The following PCDHGA4 variants were observed in gnomAD, a reference collection of about 807,000 sequenced individuals.
PCDHGA4 encodes the protein protocadherin gamma-A4.
Under a neutral mutation model 54.6 loss-of-function variants are expected in PCDHGA4, and 38 were observed. The ratio of observed to expected loss-of-function variants is 0.70; its 90% CI spans 0.54 to 0.91. The LOEUF (loss-of-function observed/expected upper bound fraction) is 0.91, where lower values mean the gene tolerates loss of function less well. Ranked by LOEUF, PCDHGA4 falls within the 40% of genes least tolerant of loss-of-function variation. The pLI is 0.00. For synonymous variants in PCDHGA4, 511 were observed against 512.9 expected, an observed-to-expected ratio of 1.00 and a Z score of 0.05; for missense variants, 1,298 against 1,220.9, an observed-to-expected ratio of 1.06 and a Z score of -0.94.
At chr5:141,458,028 G>A (rs1363025110) in intron 1 of PCDHGA4, among the ~76,000 whole-genome samples, 2 of 152,122 alleles carry the variant, frequency 1.3e-5, no homozygotes, top group African/African-American at 4.8e-5. Flanking sequence ...ATTGTGTTCT[G>A]TTGACAAAGA....
At chr5:141,387,274 AT>A (rs2090884370) in intron 1 of PCDHGA4, among the ~76,000 whole-genome samples, 1 of 152,244 alleles carries the variant, frequency 6.6e-6, no homozygotes, top group South Asian at 2.1e-4. Context: ...GTTAGGAACA[AT>A]GAAAGAAAGA....
At chr5:141,415,302 G>A in intron 1 of PCDHGA4, 3 of 1,614,212 alleles carry the variant, frequency 1.9e-6, no homozygotes, top group South Asian at 2.2e-5. Context: ...GCGTCTTCCT[G>A]GCCTTCGTCA....
At chr5:141,448,114 A>G (rs1483138819) in intron 1 of PCDHGA4, among the ~76,000 whole-genome samples, 1 of 151,948 alleles carries the variant, frequency 6.6e-6, no homozygotes, top group Non-Finnish European at 1.5e-5. Flanking sequence ...AGAAAAGAAA[A>G]TTAGCCTCCC....
At chr5:141,499,620 G>A (rs557854340) in intron 2 of PCDHGA4, among the ~76,000 whole-genome samples, 1 of 150,986 alleles carries the variant, frequency 6.6e-6, no homozygotes, top group Non-Finnish European at 1.5e-5. Context: ...TCCTGTCCTT[G>A]GATTCTTTTG....
At chr5:141,422,002 G>A (rs754599902) in intron 1 of PCDHGA4, 41 of 1,609,306 alleles carry the variant, frequency 2.5e-5, no homozygotes, top group Non-Finnish European at 3.1e-5. Flanking sequence ...CATCAGCTCC[G>A]GAACTCGGGT....
At chr5:141,371,849 C>A (rs1323132095) in intron 1 of PCDHGA4, 1 of 1,613,660 alleles carries the variant, frequency 6.2e-7, no homozygotes, top group East Asian at 2.2e-5. Flanking sequence ...GACCTAATGG[C>A]CTTGTCTCCT....
chr5:141,419,010 G>A (rs2096312778), intron 1 of PCDHGA4: 2 of 1,613,866 alleles, frequency 1.2e-6, no homozygotes, highest in Non-Finnish European at 8.5e-7. Flanking sequence ...GAAGTCAGGT[G>A]TAGCTTAAGT....
intron 1 of PCDHGA4, chr5:141,430,826 C>A: frequency 6.4e-7 from 1 of 1,550,416 alleles, no homozygotes; most frequent in Non-Finnish European, 8.7e-7. Flanking sequence ...CCTGGGGACT[C>A]TGTGGGAGAC....
At chr5:141,459,149 T>C (rs2098961903) in intron 1 of PCDHGA4, among the ~76,000 whole-genome samples, 1 of 152,234 alleles carries the variant, frequency 6.6e-6, no homozygotes, top group Non-Finnish European at 1.5e-5. Context: ...AATCAAAATA[T>C]AGAACATTTC....
chr5:141,376,416 C>T (rs1450125576), intron 1 of PCDHGA4: 1 of 1,614,216 alleles, frequency 6.2e-7, no homozygotes, highest in Non-Finnish European at 8.5e-7. Context: ...TATGCCGACA[C>T]GCTTATCAAC....
intron 1 of PCDHGA4, among the ~76,000 whole-genome samples, chr5:141,438,598 AT>A (rs1433028092): frequency 6.7e-5 from 2 of 29,776 alleles, no homozygotes; most frequent in Non-Finnish European, 1.4e-4. Context: ...ATACATATAT[AT>A]ATATATATAT....
chr5:141,477,220 G>A lies in PCDHGA4; in HGVS notation c.2515-17587G>A. 24 of 1,614,190 alleles carry A rather than the reference G, an allele frequency of 1.5e-5. No individual in the cohort carries two copies. The highest frequency in any genetic ancestry group is 1.9e-5 in the Non-Finnish European group (23 of 1,180,040). ...CAGTACCCGAGGATGCCCCTCTGGG[G>A]ACTGTCATCGCTTTGCTCAGTGTGA... is the stretch of plus-strand genomic sequence containing the variant. On this transcript the variant is annotated intron_variant, in intron 1 of 3. Coordinates refer to ENST00000571252, the MANE Select transcript of PCDHGA4 (RefSeq NM_018917.4). The surrounding 1 kb of genome is among the most constrained non-coding windows in gnomAD (Gnocchi z 4.9).
intron 1 of PCDHGA4, chr5:141,404,276 G>A (rs754510135): frequency 6.2e-7 from 1 of 1,613,992 alleles, no homozygotes; most frequent in Non-Finnish European, 8.5e-7. Context: ...CACCCTGCAA[G>A]TGACTGACAT....
intron 2 of PCDHGA4, among the ~76,000 whole-genome samples, chr5:141,496,856 G>A (rs1324235700): frequency 6.7e-6 from 1 of 150,206 alleles, no homozygotes; most frequent in African/African-American, 2.5e-5. Context: ...CAGACCAGCA[G>A]AGGAGACTGA....
intron 2 of PCDHGA4, among the ~76,000 whole-genome samples, chr5:141,504,563 C>G (rs1036149640): frequency 3.3e-5 from 5 of 149,436 alleles, no homozygotes; most frequent in African/African-American, 1.2e-4. Context: ...GACTGGCATT[C>G]TAGGGAACAC....
intron 2 of PCDHGA4, among the ~76,000 whole-genome samples, chr5:141,503,940 C>G (rs890249753): frequency 6.6e-6 from 1 of 152,218 alleles, no homozygotes; most frequent in Non-Finnish European, 1.5e-5. Flanking sequence ...TTCATGCCTT[C>G]AAGGCCTACC....
intron 1 of PCDHGA4, chr5:141,364,798 C>T (rs1290164632): frequency 2.5e-6 from 4 of 1,613,890 alleles, no homozygotes; most frequent in Non-Finnish European, 3.4e-6. Context: ...TGCTTCCCTT[C>T]GCGCGGGATG....
chr5:141,392,877 A>T, intron 1 of PCDHGA4: 1 of 1,613,506 alleles, frequency 6.2e-7, no homozygotes, highest in Non-Finnish European at 8.5e-7. Flanking sequence ...GCTGCTGGGA[A>T]CGCTGTGGGA....
At chr5:141,374,794 C>G (rs369215509) in intron 1 of PCDHGA4, 6 of 1,613,916 alleles carry the variant, frequency 3.7e-6, no homozygotes, top group Non-Finnish European at 5.1e-6. Flanking sequence ...ATGTGAATGA[C>G]AACACTCCAA....
Sources: allele counts gnomAD v4.1 joint callset (sites outside exome capture counted in the v4.1 genomes callset), GRCh38; gene constraint gnomAD v4.1.1; non-coding constraint Gnocchi (gnomAD v3.1); transcripts MANE v1.5; gene names NCBI Gene and HGNC (gene_info 2026-07-23, HGNC 2026-07-21).